Variants in CCDC178 observed in about 807,000 individuals in gnomAD.
The protein encoded by CCDC178 is coiled-coil domain-containing protein 178.
Under a neutral mutation model 117.4 loss-of-function variants are expected in CCDC178, and 126 were observed. The observed-to-expected ratio is 1.07, with a 90% CI of 0.93 to 1.24. The LOEUF (loss-of-function observed/expected upper bound fraction) is 1.24. Ranked by LOEUF, CCDC178 falls within the 50% of genes most tolerant of loss-of-function variation. CCDC178 has a pLI of 0.00. For missense variants in CCDC178, 1,030 were observed against 986.9 expected (o/e 1.04, Z -0.59); for synonymous variants, 283 against 313.4 (o/e 0.90, Z 1.02).
chr18:33,343,432 C>T (rs1042598017), intron 9 of CCDC178, among the ~76,000 whole-genome samples: 2 of 152,164 alleles, frequency 1.3e-5, no homozygotes, highest in Non-Finnish European at 2.9e-5. Context: ...TAATTGGCTA[C>T]ACGTTGGATG....
chr18:32,945,577 C>T (rs1250229976), intron 22 of CCDC178, among the ~76,000 whole-genome samples: 3 of 152,160 alleles, frequency 2.0e-5, no homozygotes, highest in Non-Finnish European at 4.4e-5. Context: ...TATGAGCTTT[C>T]ACTTTAGTAA....
rs192834777 is a variant in CCDC178, at chr18:33,332,275, C to T, written c.879+899G>A. 3.2e-3 allele frequency among the ~76,000 whole-genome samples: 479 copies of T among 151,932 alleles called. 2 individuals carry two copies. The highest frequency in any genetic ancestry group is 0.011 in the African/African-American group (444 of 41,450). ...AAGATTGTCTTTGGTAAAGGAGGAA[C>T]GAAAATGGAACTGTTGAGGGGAACA... On this transcript the variant is annotated intron_variant, in intron 10 of 22. Coordinates refer to ENST00000383096, the MANE Select transcript of CCDC178 (RefSeq NM_001105528.4).
chr18:33,255,914 A>C (rs1027354386), intron 14 of CCDC178, among the ~76,000 whole-genome samples: 3 of 151,838 alleles, frequency 2.0e-5, no homozygotes, highest in African/African-American at 7.3e-5. Flanking sequence ...CTGAATCTCA[A>C]AAAGGGATAG....
chr18:33,380,961 C>A (rs2063432629), intron 5 of CCDC178, among the ~76,000 whole-genome samples: 1 of 101,798 alleles, frequency 9.8e-6, no homozygotes, highest in Non-Finnish European at 2.1e-5. Context: ...TAAAACTAAA[C>A]TCATCTTCCC....
chr18:33,088,456 T>G (rs1359293285), intron 21 of CCDC178, among the ~76,000 whole-genome samples: 2 of 152,160 alleles, frequency 1.3e-5, no homozygotes, highest in African/African-American at 4.8e-5. Flanking sequence ...TTCTTTGATT[T>G]ATTTCTTTCA....
intron 12 of CCDC178, among the ~76,000 whole-genome samples, chr18:33,286,348 A>G (rs2060099033): frequency 6.6e-6 from 1 of 152,178 alleles, no homozygotes; most frequent in Non-Finnish European, 1.5e-5. Flanking sequence ...GTAATGAAAC[A>G]CTACTGTTTT....
At chr18:33,315,310 T>C (rs2062400795) in intron 11 of CCDC178, among the ~76,000 whole-genome samples, 1 of 152,164 alleles carries the variant, frequency 6.6e-6, no homozygotes, top group Non-Finnish European at 1.5e-5. Context: ...CTTGGGTAAG[T>C]AATTCAAGAT....
intron 20 of CCDC178, among the ~76,000 whole-genome samples, chr18:33,163,832 T>A (rs1324198351): frequency 6.6e-6 from 1 of 152,124 alleles, no homozygotes; most frequent in Non-Finnish European, 1.5e-5. Context: ...TTTAAAAGAG[T>A]GTTACTGTGC....
intron 21 of CCDC178, among the ~76,000 whole-genome samples, chr18:32,977,153 C>G (rs573363010): frequency 6.6e-6 from 1 of 152,056 alleles, no homozygotes; most frequent in Non-Finnish European, 1.5e-5. Flanking sequence ...GATTAACCCC[C>G]GTTTACAGCT....
In CCDC178 at chr18:33,225,974, CA is replaced by C. The variant is rs2059298399; in HGVS notation, c.1656+818del. Among the ~76,000 whole-genome samples the C allele has an allele frequency of 2.0e-5, 3 of 152,046 alleles. No individual in the cohort carries two copies. In the South Asian group the frequency reaches 6.2e-4, roughly 32 times the overall value. On this transcript the variant is annotated intron_variant, in intron 16 of 22. Transcript: ENST00000383096. ...GTCAGGAGTTCGAGACCAGCCTGAC[CA>C]AAATGGAGAAACCCTGTCTCTACTA...
At chr18:32,975,044 C>A (rs1396895255) in intron 21 of CCDC178, among the ~76,000 whole-genome samples, 3 of 152,124 alleles carry the variant, frequency 2.0e-5, no homozygotes, top group African/African-American at 2.4e-5. Context: ...TGAAAAAAAT[C>A]ATCTTTTGAA....
chr18:33,299,424 T>C (rs926543832), intron 11 of CCDC178, among the ~76,000 whole-genome samples: 8 of 151,758 alleles, frequency 5.3e-5, no homozygotes, highest in African/African-American at 1.9e-4. Flanking sequence ...ATAGACCTCA[T>C]CTCTTACCCT....
In CCDC178 at chr18:32,997,742, GT is replaced by G. The variant is rs529598814; in HGVS notation, c.2389-23062del. On this transcript the variant is annotated intron_variant, in intron 21 of 22. Transcript: ENST00000383096. ...TCTGTCTGACTATTTATATATCTAT[GT>G]TTTTTTATTGGCTCTGCTTCTCTGG... 6.6e-5 allele frequency among the ~76,000 whole-genome samples: 10 copies of G among 151,824 alleles called. 1 individual carries two copies. The South Asian group carries it at 1.0e-3, about 16-fold the overall frequency.
intron 14 of CCDC178, among the ~76,000 whole-genome samples, chr18:33,256,220 T>C (rs991113214): frequency 2.0e-5 from 3 of 151,972 alleles, no homozygotes; most frequent in Non-Finnish European, 4.4e-5. Flanking sequence ...AAAGTACAAA[T>C]AGGATGAAAG....
chr18:33,401,983 T>C (rs1036069955), intron 3 of CCDC178, among the ~76,000 whole-genome samples: 2 of 152,216 alleles, frequency 1.3e-5, no homozygotes, highest in African/African-American at 2.4e-5. Context: ...TTAATAATAA[T>C]CAAATAAAAT....
chr18:33,219,209 A>G (rs2059202735), intron 18 of CCDC178, among the ~76,000 whole-genome samples: 1 of 152,146 alleles, frequency 6.6e-6, no homozygotes, highest in Non-Finnish European at 1.5e-5. Flanking sequence ...AGAAATGCAA[A>G]TCAATATCAC....
At chr18:33,335,365 T>C (rs780468689) in intron 9 of CCDC178, among the ~76,000 whole-genome samples, 1 of 152,078 alleles carries the variant, frequency 6.6e-6, no homozygotes, top group African/African-American at 2.4e-5. Context: ...ATGCAATGTT[T>C]GATAATATCT....
intron 20 of CCDC178, chr18:33,136,070 A>G (rs949415594): frequency 6.6e-6 from 1 of 152,210 alleles, no homozygotes; most frequent in Non-Finnish European, 1.5e-5. Flanking sequence ...TATTTTGCAG[A>G]GCAAGTTCAA....
intron 21 of CCDC178, among the ~76,000 whole-genome samples, chr18:33,053,895 A>G (rs6650654): frequency 0.14 from 21,675 of 152,156 alleles, 2,394 homozygotes; most frequent in African/African-American, 0.31. Context: ...ATTTTGAATA[A>G]TATTATACAA....
Sources: gnomAD v4.1 joint callset for allele counts (sites outside exome capture counted in the v4.1 genomes callset) on GRCh38, gnomAD v4.1.1 for gene constraint, MANE v1.5 for transcripts, NCBI Gene and HGNC (gene_info 2026-07-23, HGNC 2026-07-21) for gene names.